The following SNX6 variants were observed in gnomAD, a reference collection of about 807,000 sequenced individuals.
The protein encoded by SNX6 is sorting nexin 6, also known as sorting nexin-6.
Under a neutral mutation model 63.0 loss-of-function variants are expected in SNX6, and 34 were observed. The observed-to-expected ratio is 0.54, with a 90% CI of 0.41 to 0.72. The LOEUF (loss-of-function observed/expected upper bound fraction) is 0.72. SNX6 is among the 30% of genes least tolerant of loss of function. The pLI is 0.00. For synonymous variants in SNX6, 170 were observed against 164.2 expected (o/e 1.04, Z -0.27); for missense variants, 398 against 471.4 (o/e 0.84, Z 1.44).
At chr14:34,570,426 A>AT (rs1425530849) in intron 11 of SNX6, among the ~76,000 whole-genome samples, 22 of 133,690 alleles carry the variant, frequency 1.6e-4, no homozygotes, top group East Asian at 2.2e-4. Flanking sequence ...GATATCTCAC[A>AT]TTTTTTTTTT....
intron 11 of SNX6, among the ~76,000 whole-genome samples, chr14:34,570,721 T>TCG (rs1881410387): frequency 1.9e-5 from 1 of 53,446 alleles, no homozygotes; most frequent in Non-Finnish European, 5.7e-5. Flanking sequence ...GCACCTGGCC[T>TCG]TCTCTTTTTT....
rs1478064601 is a variant in SNX6 at position 34,608,025 on chromosome 14, C to G, written c.270+5G>C. 6.8e-7 allele frequency: 1 copy of G among 1,470,388 alleles called. No individual in the cohort carries two copies. Among genetic ancestry groups the G allele is most frequent in the Non-Finnish European group, 9.4e-7 (1 of 1,066,334 alleles). 91.1% of individuals were successfully genotyped at this position (1,470,388 alleles called of 1,614,324 possible). ...ATGGAATTAAAATGGAGTCTCAATA[C>G]TTACGATATAACCTGCATAGTCTTC... On this transcript the variant is annotated splice_donor_5th_base_variant and intron_variant, in intron 4 of 13. Coordinates refer to ENST00000362031, the MANE Select transcript of SNX6 (RefSeq NM_152233.4).
At chr14:34,612,815 C>T (rs1392905882) in intron 2 of SNX6, among the ~76,000 whole-genome samples, 1 of 151,582 alleles carries the variant, frequency 6.6e-6, no homozygotes, top group East Asian at 2.0e-4. Flanking sequence ...TTTGGGAGGC[C>T]GAAGTGAGTG....
At chr14:34,624,625 G>A (rs953007561) in intron 2 of SNX6, among the ~76,000 whole-genome samples, 5 of 151,416 alleles carry the variant, frequency 3.3e-5, no homozygotes, top group Admixed American at 2.0e-4. Context: ...GTGAAACCTC[G>A]TCTCTACTAA....
At chr14:34,573,126 C>T (rs1881524573) in intron 11 of SNX6, among the ~76,000 whole-genome samples, 1 of 152,146 alleles carries the variant, frequency 6.6e-6, no homozygotes, top group African/African-American at 2.4e-5. Context: ...CGGGAACACA[C>T]CACCATGGCC....
intron 11 of SNX6, chr14:34,568,861 G>A (rs1594692113): frequency 9.1e-7 from 1 of 1,095,322 alleles, no homozygotes; most frequent in Non-Finnish European, 1.4e-6. Flanking sequence ...AAAGTGGCCA[G>A]GCATGCCGCC....
chr14:34,586,340 T>G, intron 8 of SNX6, 35 bp from the exon 9 acceptor site: 1 of 1,352,960 alleles, frequency 7.4e-7, no homozygotes, highest in Non-Finnish European at 1.1e-6. Flanking sequence ...AGTATACCTA[T>G]TCATAGATTT....
chr14:34,565,395 G>GAAA (rs1192114611), intron 13 of SNX6, among the ~76,000 whole-genome samples: 1 of 146,774 alleles, frequency 6.8e-6, no homozygotes, highest in African/African-American at 2.5e-5. Context: ...CTACCTTAAA[G>GAAA]AAAAAAAAAA....
At chr14:34,599,792 T>A (rs1445023422) in intron 6 of SNX6, among the ~76,000 whole-genome samples, 2 of 114,582 alleles carry the variant, frequency 1.7e-5, no homozygotes, top group African/African-American at 6.1e-5. Flanking sequence ...AAAAAAAAAA[T>A]CTGATCTCCA....
intron 11 of SNX6, among the ~76,000 whole-genome samples, chr14:34,573,490 G>A (rs925164860): frequency 6.6e-6 from 1 of 151,990 alleles, no homozygotes; most frequent in African/African-American, 2.4e-5. Flanking sequence ...CAGGAGAATG[G>A]CTTGAACCCA....
At chr14:34,580,936 G>A (rs942685000) in intron 10 of SNX6, among the ~76,000 whole-genome samples, 2 of 151,700 alleles carry the variant, frequency 1.3e-5, no homozygotes, top group Admixed American at 6.6e-5. Context: ...GATTACAAGC[G>A]TTAAGTCACT....
intron 2 of SNX6, among the ~76,000 whole-genome samples, chr14:34,613,824 T>C (rs1463455740): frequency 6.8e-6 from 1 of 147,906 alleles, no homozygotes; most frequent in African/African-American, 2.5e-5. Flanking sequence ...AAACAGAATC[T>C]GGGGCCGCGT....
At chr14:34,626,958 C>T (rs1162734576) in intron 2 of SNX6, among the ~76,000 whole-genome samples, 1 of 151,996 alleles carries the variant, frequency 6.6e-6, no homozygotes, top group Non-Finnish European at 1.5e-5. Context: ...ATAATCAACT[C>T]CTCATACTTC....
chr14:34,618,991 C>T (rs545414627), intron 2 of SNX6, among the ~76,000 whole-genome samples: 2 of 152,180 alleles, frequency 1.3e-5, no homozygotes, highest in South Asian at 4.2e-4. Flanking sequence ...TTGCTACATT[C>T]CCAATGGAAG....
chr14:34,619,654 T>C (rs1223481190), intron 2 of SNX6, among the ~76,000 whole-genome samples: 1 of 152,158 alleles, frequency 6.6e-6, no homozygotes, highest in East Asian at 1.9e-4. Context: ...TAAAATTAAC[T>C]GCTTCCTGCT....
chr14:34,588,920 G>T (rs759819956), intron 8 of SNX6, among the ~76,000 whole-genome samples: 19 of 152,046 alleles, frequency 1.2e-4, no homozygotes, highest in Non-Finnish European at 2.5e-4. Flanking sequence ...GATCACATGA[G>T]GTCAAGAGTT....
chr14:34,629,910 G>A lies in SNX6; in HGVS notation c.51C>T (p.Arg17=). 1.9e-6 allele frequency: 3 copies of A among 1,557,110 alleles called. No homozygotes were observed. Among genetic ancestry groups the A allele is most frequent in the Non-Finnish European group, 2.6e-6 (3 of 1,151,490 alleles). ...DGPDFLSEED[R]GLKAINVDLQ... ...GCGAAAGGAAGGCAGAACTTACTCC[G>A]CGGTCCTCTTCTGAGAGGAAGTCCG... The change falls in exon 2 of 14, where the codon CGC becomes CGT. Residue 17 remains arginine, a synonymous_variant. Coordinates refer to ENST00000362031, the MANE Select transcript of SNX6 (RefSeq NM_152233.4).
At chr14:34,618,306 T>A (rs1883499010) in intron 2 of SNX6, among the ~76,000 whole-genome samples, 1 of 152,098 alleles carries the variant, frequency 6.6e-6, no homozygotes, top group African/African-American at 2.4e-5. Flanking sequence ...TCTGATATCA[T>A]CTAATTTACC....
rs1347681302 is a variant in SNX6 at position 34,595,925 on chromosome 14, T to C, written c.612+1625A>G. ...ATTTTTAGAACATCATTAAGAAAAG[T>C]ATAGGTGTTTTCGGCCGGGCGCGGT... On this transcript the variant is annotated intron_variant, in intron 7 of 13. Transcript: ENST00000362031. Among the ~76,000 whole-genome samples, 8 of 152,216 alleles carry C rather than the reference T, an allele frequency of 5.3e-5. No individual in the cohort carries two copies. In the East Asian group the frequency reaches 1.5e-3, roughly 29 times the overall value.
Sources: gnomAD v4.1 joint callset for allele counts (sites outside exome capture counted in the v4.1 genomes callset) on GRCh38, gnomAD v4.1.1 for gene constraint, MANE v1.5 for transcripts, NCBI Gene and HGNC (gene_info 2026-07-23, HGNC 2026-07-21) for gene names.